Variants in SSBP1 observed in about 807,000 individuals in gnomAD.
The protein encoded by SSBP1 is single-stranded DNA-binding protein, mitochondrial.
SSBP1 carries 20 observed loss-of-function variants against 27.0 expected under a neutral mutation model. The ratio of observed to expected loss-of-function variants is 0.74; its 90% CI spans 0.52 to 1.08. The LOEUF is 1.08. Among genes scored for constraint, SSBP1 ranks in the 50% least tolerant of loss-of-function variants. The probability of loss-of-function intolerance (pLI) is 0.00; values close to 1 mark genes in which losing one functional copy is unlikely to be tolerated. For missense variants in SSBP1, 137 were observed against 182.4 expected, an observed-to-expected ratio of 0.75 and a Z score of 1.44; for synonymous variants, 59 against 59.3, an observed-to-expected ratio of 1.00 and a Z score of 0.02.
chr7:141,740,738 T>A (rs1799494859), intron 2 of SSBP1: 1 of 152,206 alleles, frequency 6.6e-6, no homozygotes, highest in African/African-American at 2.4e-5. Flanking sequence ...TATTAGACCT[T>A]TTTTGATGCA....
intron 6 of SSBP1, among the ~76,000 whole-genome samples, chr7:141,747,383 ATTT>A (rs1320451586): frequency 1.1e-3 from 101 of 94,466 alleles, no homozygotes; most frequent in African/African-American, 3.9e-3. Context: ...CCCAAATTAG[ATTT>A]TTTTTTTTTT....
intron 6 of SSBP1, chr7:141,746,025 AT>A (rs1196753407): frequency 2.1e-6 from 2 of 970,160 alleles, no homozygotes; most frequent in African/African-American, 3.5e-5. Context: ...GATTTTTTTA[AT>A]TTTATTTTTT....
At chr7:141,747,995 CAAAAAAA>C (rs926171907) in intron 6 of SSBP1, among the ~76,000 whole-genome samples, 1 of 56,020 alleles carries the variant, frequency 1.8e-5, no homozygotes, top group African/African-American at 6.5e-5. Flanking sequence ...AAGACTCTCT[CAAAAAAA>C]AAAAAAAAAA....
At chr7:141,739,309 A>G (rs952121127) in intron 2 of SSBP1, 119 bp downstream of exon 2, 4 of 687,988 alleles carry the variant, frequency 5.8e-6, no homozygotes, top group South Asian at 3.5e-5. Flanking sequence ...ACCCACCTCT[A>G]TACTCATTTG....
chr7:141,747,332 A>G lies in SSBP1; in HGVS notation c.403+1748A>G, dbSNP rs118085942. 1.9e-4 allele frequency among the ~76,000 whole-genome samples: 29 copies of G among 151,378 alleles called. No individual in the cohort carries two copies. The East Asian group carries it at 5.3e-3, about 27-fold the overall frequency. On this transcript the variant is annotated intron_variant, in intron 6 of 6. Coordinates refer to ENST00000265304, the MANE Select transcript of SSBP1 (RefSeq NM_003143.3). The stretch of plus-strand genomic sequence containing the variant: ...AATACATGGCAATAAACTAAATTTT[A>G]CTATATTAATGTTTCTGTGTTTATG...
At chr7:141,747,995 CAAAA>C (rs926171907) in intron 6 of SSBP1, among the ~76,000 whole-genome samples, 3 of 56,018 alleles carry the variant, frequency 5.4e-5, no homozygotes, top group Non-Finnish European at 1.1e-4. Context: ...AAGACTCTCT[CAAAA>C]AAAAAAAAAA....
At chr7:141,741,860 T>C (rs948641240) in intron 2 of SSBP1, 36 of 976,408 alleles carry the variant, frequency 3.7e-5, no homozygotes, top group Admixed American at 4.6e-5. Context: ...TGATTTTTCC[T>C]TTTGTGTGCA....
At chr7:141,748,617 A>C (rs1393831011) in intron 6 of SSBP1, among the ~76,000 whole-genome samples, 1 of 151,420 alleles carries the variant, frequency 6.6e-6, no homozygotes, top group Non-Finnish European at 1.5e-5. Flanking sequence ...TTGAGTTGTT[A>C]CTAATAAGCC....
chr7:141,743,448 C>A, intron 3 of SSBP1, 113 bp from the exon 4 acceptor site: 1 of 1,285,378 alleles, frequency 7.8e-7, no homozygotes, highest in Non-Finnish European at 1.1e-6. Flanking sequence ...GATCCCACTT[C>A]CAAATACCAT....
intron 6 of SSBP1, among the ~76,000 whole-genome samples, chr7:141,747,408 G>A (rs1424329821): frequency 2.9e-5 from 1 of 34,992 alleles, no homozygotes; most frequent in African/African-American, 1.2e-4. Context: ...TTTTTTTTTT[G>A]AGACAGCGTC....
Position 141,742,247 on chromosome 7 carries a change from A to G in SSBP1, c.85+18A>G. ...TGAAAGATGTAAGTAGCTAATTTCC[A>G]AGTTTAAAATGTTATTTTTAGTAAT... On this transcript the variant is annotated intron_variant, in intron 3 of 6. Transcript: ENST00000265304. 1.3e-6 allele frequency: 2 copies of G among 1,583,284 alleles called. No individual in the cohort carries two copies. Among genetic ancestry groups the G allele is most frequent in the East Asian group, 2.2e-5 (1 of 44,546 alleles).
chr7:141,743,735 A>T, intron 4 of SSBP1, 34 bp downstream of exon 4: 1 of 1,600,398 alleles, frequency 6.2e-7, no homozygotes, highest in Non-Finnish European at 8.5e-7. Context: ...TAATTTTATC[A>T]GCAATAAATA....
intron 4 of SSBP1, 79 bp from the exon 5 acceptor site, chr7:141,743,823 C>T: frequency 6.4e-7 from 1 of 1,552,316 alleles, no homozygotes; most frequent in African/African-American, 1.4e-5. Flanking sequence ...TGTTTGTTCT[C>T]TTAGAAATCG....
intron 6 of SSBP1, among the ~76,000 whole-genome samples, chr7:141,747,315 G>T (rs1584770691): frequency 6.6e-6 from 1 of 151,256 alleles, no homozygotes; most frequent in East Asian, 1.9e-4. Flanking sequence ...TAAATACATG[G>T]CAATAAACTA....
chr7:141,745,810 T>C, intron 6 of SSBP1: 2 of 1,284,982 alleles, frequency 1.6e-6, no homozygotes, highest in African/African-American at 3.0e-5. Flanking sequence ...CACAAGTAAC[T>C]TTTGAATAAA....
At chr7:141,744,362 C>T (rs1220436786) in intron 5 of SSBP1, among the ~76,000 whole-genome samples, 1 of 152,196 alleles carries the variant, frequency 6.6e-6, no homozygotes, top group Non-Finnish European at 1.5e-5. Flanking sequence ...AGGGTGGCTT[C>T]TTGCCTGTTG....
At chr7:141,742,029 G>A in intron 2 of SSBP1, 140 bp from the exon 3 acceptor site, 1 of 663,392 alleles carries the variant, frequency 1.5e-6, no homozygotes. Context: ...TCTGTTGGGA[G>A]AACATGAGAA....
chr7:141,744,041 A>G (rs765460267), intron 5 of SSBP1, 52 bp downstream of exon 5: 59 of 1,522,934 alleles, frequency 3.9e-5, no homozygotes, highest in Non-Finnish European at 5.0e-5. Flanking sequence ...AAGAACCGAT[A>G]AGAAGTGTTC....
chr7:141,750,064 A>G (rs1323129562), intron 6 of SSBP1, among the ~76,000 whole-genome samples: 2 of 152,224 alleles, frequency 1.3e-5, no homozygotes, highest in Non-Finnish European at 2.9e-5. Context: ...CTGGAAGACA[A>G]GAAATATCCC....
Sources: allele counts gnomAD v4.1 joint callset (sites outside exome capture counted in the v4.1 genomes callset), GRCh38; gene constraint gnomAD v4.1.1; transcripts MANE v1.5; gene names NCBI Gene and HGNC (gene_info 2026-07-23, HGNC 2026-07-21).